Variants in DNAJC13 observed in about 807,000 individuals in gnomAD.
DNAJC13 encodes the protein dnaJ homolog subfamily C member 13.
In DNAJC13, 75 loss-of-function variants were observed where a neutral mutation model predicts 290.5. The observed-to-expected ratio is 0.26, with a 90% CI of 0.21 to 0.31. The LOEUF is 0.31. Among genes scored for constraint, DNAJC13 ranks in the 10% least tolerant of loss-of-function variants. DNAJC13 has a pLI of 1.00. For missense variants in DNAJC13, 2,260 were observed against 2,674.5 expected, an observed-to-expected ratio of 0.85 and a Z score of 3.42; for synonymous variants, 862 against 892.0, an observed-to-expected ratio of 0.97 and a Z score of 0.60.
Position 132,488,455 on chromosome 3 carries a change from A to G in DNAJC13, c.3422+3A>G. ...TCCAATGTGCTTCCTGTTGCTCGGT[A>G]AGAACTTTAAGGGTAATCTATTTAA... On this transcript the variant is annotated splice_donor_region_variant and intron_variant, in intron 30 of 55. Transcript: ENST00000260818. 2 of 1,605,396 alleles carry G rather than the reference A, an allele frequency of 1.2e-6. No homozygotes were observed. Among genetic ancestry groups the G allele is most frequent in the Non-Finnish European group, 1.7e-6 (2 of 1,176,448 alleles).
intron 2 of DNAJC13, among the ~76,000 whole-genome samples, chr3:132,440,915 T>C (rs191421884): frequency 6.6e-5 from 10 of 152,322 alleles, no homozygotes; most frequent in Non-Finnish European, 1.3e-4. Flanking sequence ...TTGGTGTGCT[T>C]AACCATTAAG....
In DNAJC13 at chr3:132,511,264, A is replaced by G. The variant is rs1182798159; in HGVS notation, c.5293+20A>G. 1.2e-6 allele frequency: 2 copies of G among 1,612,928 alleles called. No individual in the cohort carries two copies. Among genetic ancestry groups the G allele is most frequent in the Non-Finnish European group, 1.7e-6 (2 of 1,179,258 alleles). ...ATCCAGGTATGTGACTACACCTTTGATCAATAAGACTCGTATAATACAGGA... is the reference window on the plus strand; with the variant it reads ...ATCCAGGTATGTGACTACACCTTTGGTCAATAAGACTCGTATAATACAGGA... On this transcript the variant is annotated intron_variant, in intron 44 of 55. Transcript: ENST00000260818.
chr3:132,447,620 C>A, intron 4 of DNAJC13, 150 bp downstream of exon 4: 2 of 877,700 alleles, frequency 2.3e-6, no homozygotes, highest in Non-Finnish European at 3.3e-6. Flanking sequence ...CCCTGTGAAA[C>A]GTTCACTTTT....
intron 4 of DNAJC13, among the ~76,000 whole-genome samples, 180 bp downstream of exon 4, chr3:132,447,650 C>G (rs1024023655): frequency 2.6e-5 from 4 of 152,024 alleles, no homozygotes; most frequent in Non-Finnish European, 5.9e-5. Flanking sequence ...GCTGGAAAAT[C>G]TTTTATATTT....
intron 5 of DNAJC13, 105 bp from the exon 6 acceptor site, chr3:132,450,542 G>C: frequency 1.4e-6 from 1 of 710,348 alleles, no homozygotes. Context: ...TATTTACGAT[G>C]ACAGTTAGAT....
intron 17 of DNAJC13, among the ~76,000 whole-genome samples, 177 bp downstream of exon 17, chr3:132,463,994 A>G (rs1427842005): frequency 6.6e-6 from 1 of 152,158 alleles, no homozygotes; most frequent in Non-Finnish European, 1.5e-5. Context: ...GTCCCTGCCT[A>G]TGGAAAACCT....
At chr3:132,486,939 T>G (rs531352167) in intron 29 of DNAJC13, among the ~76,000 whole-genome samples, 2 of 152,218 alleles carry the variant, frequency 1.3e-5, no homozygotes, top group South Asian at 2.1e-4. Context: ...AGTGACAAAT[T>G]GAAATACGGT....
In DNAJC13 at chr3:132,511,154, G is replaced by A. The variant is rs1219997997; in HGVS notation, c.5203G>A (p.Ala1735Thr). The A allele has an allele frequency of 6.2e-7, 1 of 1,613,912 alleles. No individual in the cohort carries two copies. Among genetic ancestry groups the A allele is most frequent in the East Asian group, 2.2e-5 (1 of 44,880 alleles). Reference protein sequence around the residue: ...LHTFMAITHAAKVESEQHGDR... With the variant: ...LHTFMAITHATKVESEQHGDR... ...CACATTCATGGCCATCACACACGCGGCAAAAGTGGAGTCAGAGCAACATGG... is the reference window on the plus strand; with the variant it reads ...CACATTCATGGCCATCACACACGCGACAAAAGTGGAGTCAGAGCAACATGG... The change falls in exon 44 of 56, where the codon GCA becomes ACA. Residue 1735 changes from alanine to threonine, a missense_variant. Coordinates refer to ENST00000260818, the MANE Select transcript of DNAJC13 (RefSeq NM_015268.4).
At position 132,441,578 on chromosome 3, in the gene DNAJC13, C is replaced by T. The variant is rs1433770817; in HGVS notation, c.69-4897C>T. Among the ~76,000 whole-genome samples, 4 of 152,040 alleles carry T rather than the reference C, an allele frequency of 2.6e-5. No homozygotes were observed. In the South Asian group the frequency reaches 6.2e-4, roughly 24 times the overall value. Reference sequence around the variant, plus strand: ...GTAATACAGGTACACAGAAATTTTCCGACGTCAAGAATTTGAGAACCATTA... The same window carrying T: ...GTAATACAGGTACACAGAAATTTTCTGACGTCAAGAATTTGAGAACCATTA... On this transcript the variant is annotated intron_variant, in intron 2 of 55. Transcript: ENST00000260818.
At chr3:132,482,638 G>A (rs758301067) in intron 27 of DNAJC13, among the ~76,000 whole-genome samples, 1 of 152,084 alleles carries the variant, frequency 6.6e-6, no homozygotes, top group African/African-American at 2.4e-5. Flanking sequence ...TGGGAGGATC[G>A]CTTGAAGCCA....
At chr3:132,523,221 C>T (rs542028328) in intron 50 of DNAJC13, 22 bp downstream of exon 50, 20 of 1,612,220 alleles carry the variant, frequency 1.2e-5, no homozygotes, top group Admixed American at 1.7e-5. Context: ...TTTTATTTTA[C>T]ATCTTATTTT....
intron 13 of DNAJC13, chr3:132,458,266 G>A (rs1933679723): frequency 6.6e-6 from 1 of 151,984 alleles, no homozygotes; most frequent in Admixed American, 6.6e-5. Context: ...GTAGTACCTG[G>A]GACTTTTCCT....
chr3:132,480,448 G>A lies in DNAJC13; in HGVS notation c.2852G>A (p.Ser951Asn). Reference sequence around the variant, plus strand: ...CTTACCCTTGCACATCTCCATGTAAGCCGAGCTACAGTACCACTGCAAGTA... The same window carrying A: ...CTTACCCTTGCACATCTCCATGTAAACCGAGCTACAGTACCACTGCAAGTA... ...DLLTLAHLHV[S>N]RATVPLQSNV... is the part of the protein sequence containing the mutation. Residue 951 changes from serine to asparagine, a missense_variant, in exon 26 of 56, where the codon AGC becomes AAC. Ser to Asn is a conservative substitution (Grantham distance 46). Transcript: ENST00000260818. The A allele has an allele frequency of 6.2e-7, 1 of 1,613,098 alleles. No individual in the cohort carries two copies. Among genetic ancestry groups the A allele is most frequent in the Non-Finnish European group, 8.5e-7 (1 of 1,179,284 alleles).
chr3:132,466,058 G>T lies in DNAJC13; in HGVS notation c.1956G>T (p.Leu652Phe), dbSNP rs971942481. Residue 652 changes from leucine to phenylalanine, a missense_variant, in exon 18 of 56, where the codon TTG becomes TTT. Coordinates refer to ENST00000260818, the MANE Select transcript of DNAJC13 (RefSeq NM_015268.4). ...ATAATGCAACTGCAACAAACTTGTT[G>T]AAACGCATTTTGGTAAGTCAGTTGA... ...TADNATATNL[L>F]KRILPPGLLA... The T allele has an allele frequency of 6.2e-7, 1 of 1,613,848 alleles. No homozygotes were observed. Among genetic ancestry groups the T allele is most frequent in the Non-Finnish European group, 8.5e-7 (1 of 1,179,798 alleles).
intron 1 of DNAJC13, among the ~76,000 whole-genome samples, chr3:132,430,445 G>A (rs1248701823): frequency 6.6e-6 from 1 of 151,662 alleles, no homozygotes; most frequent in African/African-American, 2.4e-5. Context: ...GTTTTTTATG[G>A]TTGTCGTTTT....
At position 132,447,380 on chromosome 3, in the gene DNAJC13, C is replaced by G; in HGVS notation, c.204C>G (p.Phe68Leu). The stretch of plus-strand genomic sequence containing the variant: ...TTGGAAAAGGACAAGGAACGGAGTT[C>G]AACCTCACATTTCGTAAAGGCAGTG... ...SPVGKGQGTE[F>L]NLTFRKGSGK... is the part of the protein sequence containing the mutation. Residue 68 changes from phenylalanine to leucine, a missense_variant, in exon 4 of 56, where the codon TTC (phenylalanine) becomes TTG (leucine). This residue lies in a region of DNAJC13 where 762 missense variants were observed against 964.1 expected (regional missense o/e 0.79). Transcript: ENST00000260818. The G allele has an allele frequency of 6.2e-7, 1 of 1,608,016 alleles. No individual in the cohort carries two copies. The highest frequency in any genetic ancestry group is 8.5e-7 in the Non-Finnish European group (1 of 1,177,322).
chr3:132,489,864 G>A (rs1296657051), intron 31 of DNAJC13, among the ~76,000 whole-genome samples: 1 of 152,106 alleles, frequency 6.6e-6, no homozygotes, highest in Non-Finnish European at 1.5e-5. Flanking sequence ...AGTCTCTAAT[G>A]ATAGTACCTT....
rs1934944423 is a variant in DNAJC13, at chr3:132,488,171, T to G, written c.3268-127T>G. The G allele has an allele frequency of 4.1e-6, 3 of 737,290 alleles. No homozygotes were observed. In the South Asian group the frequency reaches 9.5e-5, roughly 23 times the overall value. The allele number at this position is 737,290 out of a possible 1,614,324, so 45.7% of individuals were successfully genotyped here. On this transcript the variant is annotated intron_variant, in intron 29 of 55. Transcript: ENST00000260818. ...TTGTGGGTCTGGTAGATGAGCTTAC[T>G]GACTCCCATGGGTTTTTATTTTATA... is the stretch of plus-strand genomic sequence containing the variant.
Position 132,526,280 on chromosome 3 carries a change from A to C in DNAJC13, c.6380A>C (p.Gln2127Pro). ...AAGGAGCAGAGTGAATTAGTAGCAC[A>C]AGTAAGTGACTTTCTAGATTTAGCA... Reference protein sequence around the residue: ...FQKEQSELVAQALKADLVPYL... With the variant: ...FQKEQSELVAPALKADLVPYL... Residue 2127 changes from glutamine (Q) to proline (P), a missense_variant and splice_region_variant, in exon 53 of 56, where the codon CAA (glutamine) becomes CCA (proline). Physicochemically the swap from Gln to Pro is moderately conservative, Grantham distance 76. Coordinates refer to ENST00000260818, the MANE Select transcript of DNAJC13 (RefSeq NM_015268.4). 1 of 1,613,970 alleles carries C rather than the reference A, an allele frequency of 6.2e-7. No homozygotes were observed. The highest frequency in any genetic ancestry group is 8.5e-7 in the Non-Finnish European group (1 of 1,179,882).
Sources: allele counts gnomAD v4.1 joint callset (sites outside exome capture counted in the v4.1 genomes callset), GRCh38; gene constraint gnomAD v4.1.1; regional missense constraint gnomAD v4.1.1; transcripts MANE v1.5; gene names NCBI Gene and HGNC (gene_info 2026-07-23, HGNC 2026-07-21).